Variants in RBFOX1 observed in about 807,000 individuals in gnomAD.
The protein encoded by RBFOX1 is RNA binding protein fox-1 homolog 1.
In RBFOX1, 8 loss-of-function variants were observed where a neutral mutation model predicts 57.7. The observed-to-expected ratio is 0.14, with a 90% confidence interval of 0.08 to 0.25. The LOEUF is 0.25. RBFOX1 is among the 10% of genes least tolerant of loss of function. The pLI is 1.00. For missense variants in RBFOX1, 611 were observed against 548.5 expected, an observed-to-expected ratio of 1.11 and a Z score of -1.14; for synonymous variants, 326 against 222.4, an observed-to-expected ratio of 1.47 and a Z score of -4.15.
At chr16:5,974,145 T>C (rs985120151) in intron 4 of RBFOX1, among the ~76,000 whole-genome samples, 1 of 152,240 alleles carries the variant, frequency 6.6e-6, no homozygotes, top group Admixed American at 6.5e-5. Context: ...GTTCTCTATA[T>C]GGCCGTTGTT....
intron 1 of RBFOX1, among the ~76,000 whole-genome samples, chr16:5,291,918 C>T (rs529441291): frequency 6.6e-6 from 1 of 151,832 alleles, no homozygotes; most frequent in Non-Finnish European, 1.5e-5. Context: ...CCGAAGGTTA[C>T]TTGGGGTCCC....
chr16:6,326,415 T>C (rs2082376799), intron 2 of RBFOX1, among the ~76,000 whole-genome samples: 1 of 152,214 alleles, frequency 6.6e-6, no homozygotes, highest in Non-Finnish European at 1.5e-5. Context: ...GGCTCAGGAA[T>C]GTAAGGATGT....
At chr16:5,923,015 C>G (rs527558560) in intron 4 of RBFOX1, among the ~76,000 whole-genome samples, 1 of 152,114 alleles carries the variant, frequency 6.6e-6, no homozygotes, top group Non-Finnish European at 1.5e-5. Context: ...TGTCTCAACC[C>G]CCATGCCTCT....
intron 3 of RBFOX1, among the ~76,000 whole-genome samples, chr16:6,701,745 T>C (rs2061888086): frequency 6.6e-6 from 1 of 152,204 alleles, no homozygotes; most frequent in South Asian, 2.1e-4. Context: ...ATGTGGCACA[T>C]GTACACCATG....
At chr16:7,127,458 GAAAT>G (rs1263670364) in intron 4 of RBFOX1, among the ~76,000 whole-genome samples, 1 of 152,142 alleles carries the variant, frequency 6.6e-6, no homozygotes, top group Admixed American at 6.5e-5. Flanking sequence ...AAGGTAGGGA[GAAAT>G]AAATATGTTA....
At chr16:7,559,233 C>A (rs894602640) in intron 5 of RBFOX1, among the ~76,000 whole-genome samples, 1 of 152,170 alleles carries the variant, frequency 6.6e-6, no homozygotes, top group Non-Finnish European at 1.5e-5. Context: ...AGTGGTGAGC[C>A]TCTCCATCAG....
intron 4 of RBFOX1, among the ~76,000 whole-genome samples, chr16:7,260,598 A>G (rs58306834): frequency 0.016 from 2,441 of 152,234 alleles, 71 homozygotes; most frequent in African/African-American, 0.055. Flanking sequence ...TAGAGACGCT[A>G]TGTAGGTAAG....
chr16:6,109,160 T>G (rs1597385375), intron 1 of RBFOX1, among the ~76,000 whole-genome samples: 1 of 152,224 alleles, frequency 6.6e-6, no homozygotes, highest in South Asian at 2.1e-4. Context: ...GGGCGTTTTC[T>G]GAATCGTGGC....
downstream of RBFOX1, among the ~76,000 whole-genome samples, chr16:5,604,140 T>C (rs17138199): frequency 0.037 from 5,684 of 152,320 alleles, 250 homozygotes; most frequent in African/African-American, 0.11. Flanking sequence ...TACTTTGTTC[T>C]GCCTCATTCC....
chr16:7,690,301 A>G (rs2077040008), intron 14 of RBFOX1, among the ~76,000 whole-genome samples: 1 of 152,146 alleles, frequency 6.6e-6, no homozygotes, highest in Admixed American at 6.6e-5. Context: ...TTTCAAACGA[A>G]GAACGTTAGC....
At chr16:5,414,997 G>T (rs1156457075) in intron 1 of RBFOX1, among the ~76,000 whole-genome samples, 7 of 152,090 alleles carry the variant, frequency 4.6e-5, no homozygotes, top group Non-Finnish European at 1.0e-4. Flanking sequence ...TGTTTTCCGT[G>T]TGCCAGGTTA....
At chr16:6,589,694 C>A (rs2881183) in intron 2 of RBFOX1, among the ~76,000 whole-genome samples, 6,994 of 152,264 alleles carry the variant, frequency 0.046, 287 homozygotes, top group African/African-American at 0.11. Flanking sequence ...CAAAGGCAGT[C>A]TAGTTCCCAG....
rs187347406 is a variant in RBFOX1, at chr16:6,408,695, C to A, written c.-64+91638C>A. ...ATGTTGTCTGTAACATGTTTTGTTA[C>A]GGTTTTAGCAAGTTTTCAAGGCAAA... On this transcript the variant is annotated intron_variant, in intron 2 of 15. Transcript: ENST00000550418. 1.8e-3 allele frequency among the ~76,000 whole-genome samples: 281 copies of A among 152,100 alleles called. 2 individuals carry two copies. The highest frequency in any genetic ancestry group is 5.3e-4 in the Non-Finnish European group (36 of 67,996).
intron 4 of RBFOX1, among the ~76,000 whole-genome samples, chr16:7,265,188 C>T (rs1173440336): frequency 6.6e-6 from 1 of 152,068 alleles, no homozygotes; most frequent in African/African-American, 2.4e-5. Context: ...AGCAAAGTGC[C>T]ATAGACAGGG....
At chr16:7,143,686 A>T (rs990937048) in intron 4 of RBFOX1, among the ~76,000 whole-genome samples, 6 of 152,122 alleles carry the variant, frequency 3.9e-5, no homozygotes, top group African/African-American at 1.4e-4. Flanking sequence ...TACGATCCTC[A>T]GCATTAAAAC....
intron 1 of RBFOX1, among the ~76,000 whole-genome samples, chr16:5,355,064 AAGAG>A (rs976765978): frequency 1.3e-5 from 2 of 151,910 alleles, no homozygotes; most frequent in African/African-American, 4.8e-5. Context: ...AAGAGAGAGA[AAGAG>A]AGAAATAAGA....
intron 4 of RBFOX1, among the ~76,000 whole-genome samples, chr16:5,882,730 G>A (rs539108104): frequency 1.1e-4 from 17 of 152,210 alleles, no homozygotes; most frequent in African/African-American, 3.6e-4. Context: ...CCATGTGCCA[G>A]TGTTGTCCCT....
At chr16:7,190,696 A>G (rs1331359602) in intron 4 of RBFOX1, among the ~76,000 whole-genome samples, 1 of 149,904 alleles carries the variant, frequency 6.7e-6, no homozygotes, top group East Asian at 2.1e-4. Context: ...GTGCCATTCC[A>G]TCAACAAACA....
At chr16:5,460,763 G>C (rs913390023) in intron 1 of RBFOX1, among the ~76,000 whole-genome samples, 2 of 152,214 alleles carry the variant, frequency 1.3e-5, no homozygotes, top group African/African-American at 4.8e-5. Flanking sequence ...AGGCGAGGAA[G>C]ATGCCTCTGA....
Sources: gnomAD v4.1 joint callset for allele counts (sites outside exome capture counted in the v4.1 genomes callset) on GRCh38, gnomAD v4.1.1 for gene constraint, MANE v1.5 for transcripts, NCBI Gene and HGNC (gene_info 2026-07-23, HGNC 2026-07-21) for gene names.